The following GFI1B variants were observed in gnomAD, a reference collection of about 807,000 sequenced individuals.
GFI1B encodes zinc finger protein Gfi-1b.
In GFI1B, 20 loss-of-function variants were observed where a neutral mutation model predicts 35.3. That is an observed-to-expected ratio of 0.57 (90% CI 0.40 to 0.82). The LOEUF (loss-of-function observed/expected upper bound fraction) is 0.82. Ranked by LOEUF, GFI1B falls within the 40% of genes least tolerant of loss-of-function variation. GFI1B has a pLI of 0.00. For synonymous variants in GFI1B, 178 were observed against 177.6 expected (o/e 1.00, Z -0.02); for missense variants, 430 against 446.3 (o/e 0.96, Z 0.33).
chr9:132,981,441 C>T (rs952374205), intron 1 of GFI1B, among the ~76,000 whole-genome samples: 8 of 151,958 alleles, frequency 5.3e-5, no homozygotes, highest in African/African-American at 9.7e-5. Flanking sequence ...TGATTTAGAC[C>T]GGCCTGGGCA....
In GFI1B at chr9:132,989,626, C is replaced by G; in HGVS notation, c.649-116C>G. 5 of 755,510 alleles carry G rather than the reference C, an allele frequency of 6.6e-6. No homozygotes were observed. The highest frequency in any genetic ancestry group is 1.1e-5 in the Non-Finnish European group (5 of 446,784). The allele number at this position is 755,510 out of a possible 1,614,324, so 46.8% of individuals were successfully genotyped here. A position where few individuals can be genotyped will look rare whatever the true frequency, so the allele number is the denominator to read the frequency against. ...ACCTCAGAGGCAGAGATGAGGGGTC[C>G]CCCGGTCCTGCTCCTCCAGGCCGCC... On this transcript the variant is annotated intron_variant, in intron 5 of 6. Transcript: ENST00000372122. The surrounding 1 kb of genome is among the most constrained non-coding windows in gnomAD (Gnocchi z 6.2).
chr9:132,980,863 C>T (rs931179607), intron 1 of GFI1B, among the ~76,000 whole-genome samples: 3 of 152,036 alleles, frequency 2.0e-5, no homozygotes, highest in African/African-American at 4.8e-5. Context: ...TTTTTAAGGC[C>T]GAATAATGTT....
intron 1 of GFI1B, among the ~76,000 whole-genome samples, chr9:132,954,324 C>T (rs1348283974): frequency 1.3e-5 from 2 of 152,092 alleles, no homozygotes; most frequent in Non-Finnish European, 2.9e-5. Context: ...CCTATAATCC[C>T]AGCACTTTTG....
chr9:132,991,697 A>G (rs1231420745), downstream of GFI1B: 1 of 156,932 alleles, frequency 6.4e-6, no homozygotes, highest in African/African-American at 2.4e-5. Context: ...ATTTGCTGCC[A>G]TGTGACCAGC....
chr9:132,989,600 C>A lies in GFI1B; in HGVS notation c.649-142C>A. The A allele has an allele frequency of 1.6e-6, 1 of 636,604 alleles. No individual in the cohort carries two copies. The highest frequency in any genetic ancestry group is 2.7e-5 in the Admixed American group (1 of 36,540). The allele number at this position is 636,604 out of a possible 1,614,324, so 39.4% of individuals were successfully genotyped here. On this transcript the variant is annotated intron_variant, in intron 5 of 6. Transcript: ENST00000372122. This position sits in a 1 kb window ranked among gnomAD's most constrained non-coding sequence, Gnocchi z 6.2. The stretch of plus-strand genomic sequence containing the variant: ...CCAATGAGACTCCAAGCCCCAGTTT[C>A]ACCTCAGAGGCAGAGATGAGGGGTC...
chr9:132,979,096 C>A (rs572172986), intron 1 of GFI1B, among the ~76,000 whole-genome samples: 1 of 152,292 alleles, frequency 6.6e-6, no homozygotes, highest in South Asian at 2.1e-4. Flanking sequence ...GGCTGACAGA[C>A]GTCACCTTCG....
At chr9:132,965,488 C>T (rs79823762) in intron 1 of GFI1B, among the ~76,000 whole-genome samples, 1,849 of 152,308 alleles carry the variant, frequency 0.012, 33 homozygotes, top group African/African-American at 0.041. Flanking sequence ...TGAATGTGAC[C>T]GTATTTGGGA....
chr9:132,946,058 C>T (rs1375890033), intron 1 of GFI1B, among the ~76,000 whole-genome samples: 1 of 152,080 alleles, frequency 6.6e-6, no homozygotes, highest in Non-Finnish European at 1.5e-5. Context: ...AAAATGGCAC[C>T]CCTGGGCTGT....
intron 1 of GFI1B, chr9:132,953,493 A>C (rs1170062047): frequency 6.6e-6 from 1 of 152,162 alleles, no homozygotes; most frequent in Admixed American, 6.6e-5. Flanking sequence ...GTCTCTACTG[A>C]AAATACAAAA....
chr9:132,979,170 C>T (rs983595879), intron 1 of GFI1B, among the ~76,000 whole-genome samples: 1 of 151,680 alleles, frequency 6.6e-6, no homozygotes, highest in African/African-American at 2.4e-5. Flanking sequence ...GGGAGACACA[C>T]TTCCAAGTGC....
At chr9:132,956,406 A>G (rs918429867) in intron 1 of GFI1B, among the ~76,000 whole-genome samples, 5 of 152,234 alleles carry the variant, frequency 3.3e-5, no homozygotes, top group South Asian at 2.1e-4. Context: ...CAGAAAATTT[A>G]AAAATCATGT....
chr9:132,968,102 AT>A (rs1848476477), intron 1 of GFI1B, among the ~76,000 whole-genome samples: 2 of 144,958 alleles, frequency 1.4e-5, no homozygotes, highest in African/African-American at 5.2e-5. Flanking sequence ...TTATTTATTT[AT>A]TTATTTATTT....
intron 1 of GFI1B, among the ~76,000 whole-genome samples, chr9:132,982,152 G>C (rs73660572): frequency 2.0e-5 from 3 of 152,232 alleles, no homozygotes; most frequent in African/African-American, 7.2e-5. Context: ...AGGGGAACCC[G>C]AGTGACAAGT....
At chr9:132,962,458 C>T (rs1311791265) in intron 1 of GFI1B, 3 of 420,572 alleles carry the variant, frequency 7.1e-6, no homozygotes, top group African/African-American at 6.3e-5. Flanking sequence ...TCTTTCTTCT[C>T]TCTCTCTTCC....
At chr9:132,958,784 C>CTT (rs1371844016) in intron 1 of GFI1B, among the ~76,000 whole-genome samples, 1 of 152,184 alleles carries the variant, frequency 6.6e-6, no homozygotes, top group African/African-American at 2.4e-5. Flanking sequence ...GCTGATGTCA[C>CTT]TTTGGGACCA....
intron 1 of GFI1B, among the ~76,000 whole-genome samples, chr9:132,949,268 TACACACACACACAC>T (rs36015720): frequency 9.4e-5 from 13 of 137,682 alleles, no homozygotes; most frequent in African/African-American, 3.6e-4. Context: ...AACCCACAGA[TACACACACACACAC>T]ACACACACAC....
At chr9:132,947,132 G>A (rs542344157) in intron 1 of GFI1B, 2 of 152,564 alleles carry the variant, frequency 1.3e-5, no homozygotes, top group African/African-American at 2.4e-5. Flanking sequence ...TGACCGGCCT[G>A]TCTGAGCATG....
intron 1 of GFI1B, among the ~76,000 whole-genome samples, chr9:132,963,995 C>T (rs1262708575): frequency 6.6e-6 from 1 of 152,156 alleles, no homozygotes; most frequent in Non-Finnish European, 1.5e-5. Context: ...AATCCCAGCA[C>T]TTTGGGAGGC....
intron 1 of GFI1B, among the ~76,000 whole-genome samples, chr9:132,979,380 C>G (rs1190104849): frequency 6.6e-6 from 1 of 150,848 alleles, no homozygotes; most frequent in Non-Finnish European, 1.5e-5. Flanking sequence ...GCTGGGATTA[C>G]AGGCGCGTGT....
Sources: gnomAD v4.1 joint callset for allele counts (sites outside exome capture counted in the v4.1 genomes callset) on GRCh38, gnomAD v4.1.1 for gene constraint, Gnocchi (gnomAD v3.1) non-coding constraint, MANE v1.5 for transcripts, NCBI Gene and HGNC (gene_info 2026-07-23, HGNC 2026-07-21) for gene names.